LRRC4C: variants seen among roughly 807,000 people sequenced by gnomAD.
The protein encoded by LRRC4C is leucine rich repeat containing 4C, also known as leucine-rich repeat-containing protein 4C.
A neutral mutation model predicts 33.6 loss-of-function variants in LRRC4C; 5 were observed. The observed-to-expected ratio is 0.15, with a 90% CI of 0.08 to 0.31. LRRC4C has a LOEUF of 0.31. Among genes scored for constraint, LRRC4C ranks in the 10% least tolerant of loss-of-function variants. The pLI, the probability that LRRC4C is intolerant of heterozygous loss-of-function variation, is 1.00. For synonymous variants in LRRC4C, 329 were observed against 302.0 expected (o/e 1.09, Z -0.93); for missense variants, 560 against 796.7 (o/e 0.70, Z 3.58).
At chr11:40,840,746 A>C (rs1952875993) in intron 2 of LRRC4C, among the ~76,000 whole-genome samples, 1 of 152,184 alleles carries the variant, frequency 6.6e-6, no homozygotes, top group African/African-American at 2.4e-5. Context: ...TTTAGAAAAG[A>C]ATTCACGTTC....
At chr11:40,848,051 C>T (rs1345028397) in intron 2 of LRRC4C, among the ~76,000 whole-genome samples, 3 of 146,968 alleles carry the variant, frequency 2.0e-5, no homozygotes, top group Admixed American at 7.0e-5. Flanking sequence ...CTCTTTTCTT[C>T]GTTATTATTC....
At chr11:41,329,388 T>G (rs1951222542) in intron 1 of LRRC4C, among the ~76,000 whole-genome samples, 1 of 152,220 alleles carries the variant, frequency 6.6e-6, no homozygotes, top group Non-Finnish European at 1.5e-5. Flanking sequence ...ATTTAATATG[T>G]TGAGGACTGT....
intron 3 of LRRC4C, among the ~76,000 whole-genome samples, chr11:40,488,917 C>T (rs1227892610): frequency 6.6e-6 from 1 of 151,964 alleles, no homozygotes; most frequent in Non-Finnish European, 1.5e-5. Flanking sequence ...TGTGGTTTCT[C>T]CTTTATTTTT....
In LRRC4C at chr11:40,762,712, A is replaced by T. The variant is rs190084294; in HGVS notation, c.-406-114434T>A. On this transcript the variant is annotated intron_variant, in intron 2 of 6. Coordinates refer to ENST00000528697, the MANE Select transcript of LRRC4C (RefSeq NM_001258419.2). ...GAGATATGAGAAGTTGACTTGCTTG[A>T]GTAGTCTGGCTACCCATTCCCTATC... Among the ~76,000 whole-genome samples the T allele has an allele frequency of 2.0e-5, 3 of 152,252 alleles. No homozygotes were observed. The East Asian group carries it at 5.8e-4, about 29-fold the overall frequency.
intron 1 of LRRC4C, among the ~76,000 whole-genome samples, chr11:41,423,192 C>G (rs922492850): frequency 3.4e-4 from 51 of 151,864 alleles, no homozygotes; most frequent in African/African-American, 1.2e-3. Flanking sequence ...TGGTGGAGGG[C>G]CAGAAATCTG....
chr11:40,976,280 T>G (rs889715619), intron 1 of LRRC4C, among the ~76,000 whole-genome samples: 3 of 152,204 alleles, frequency 2.0e-5, no homozygotes, highest in African/African-American at 7.2e-5. Context: ...TTTGCTGATT[T>G]CCCTTTGCCT....
At chr11:40,734,932 C>A (rs1017357810) in intron 2 of LRRC4C, among the ~76,000 whole-genome samples, 7 of 151,922 alleles carry the variant, frequency 4.6e-5, no homozygotes, top group Non-Finnish European at 1.0e-4. Context: ...AAGAACCACC[C>A]AATCAGCTAG....
chr11:41,455,321 C>T (rs561375913), intron 1 of LRRC4C, among the ~76,000 whole-genome samples: 16 of 152,108 alleles, frequency 1.1e-4, no homozygotes, highest in African/African-American at 3.6e-4. Flanking sequence ...CTGGGGAAGT[C>T]AAGTTTTTCT....
At chr11:40,925,821 T>C (rs186416567) in intron 2 of LRRC4C, among the ~76,000 whole-genome samples, 9 of 152,308 alleles carry the variant, frequency 5.9e-5, no homozygotes, top group African/African-American at 2.2e-4. Context: ...CCAGGCATTA[T>C]TTTAGGCACT....
At chr11:40,873,004 C>T (rs1954722408) in intron 2 of LRRC4C, among the ~76,000 whole-genome samples, 2 of 151,992 alleles carry the variant, frequency 1.3e-5, no homozygotes, top group Admixed American at 1.3e-4. Context: ...GATAATGATG[C>T]AGATGAGGGG....
intron 3 of LRRC4C, chr11:40,445,435 CCAGTGA>C (rs1274366839): frequency 6.4e-6 from 1 of 155,116 alleles, no homozygotes; most frequent in Non-Finnish European, 1.5e-5. Flanking sequence ...TTTTTACTCC[CCAGTGA>C]GAGTTCTCTG....
At chr11:41,160,019 A>G (rs987467298) in intron 1 of LRRC4C, among the ~76,000 whole-genome samples, 4 of 152,260 alleles carry the variant, frequency 2.6e-5, no homozygotes, top group East Asian at 1.9e-4. Flanking sequence ...ACAAAAGGGC[A>G]CACACACATA....
At chr11:40,641,261 C>G (rs796413661) in intron 3 of LRRC4C, among the ~76,000 whole-genome samples, 9 of 151,980 alleles carry the variant, frequency 5.9e-5, no homozygotes, top group Non-Finnish European at 1.0e-4. Flanking sequence ...TATAGGGAAC[C>G]TATCAAAGTG....
chr11:40,528,804 C>T (rs1264711397), intron 3 of LRRC4C, among the ~76,000 whole-genome samples: 1 of 152,070 alleles, frequency 6.6e-6, no homozygotes, highest in Admixed American at 6.6e-5. Context: ...ATTATTCAAC[C>T]TTTCTAAGGA....
At chr11:40,505,781 C>T (rs1000559918) in intron 3 of LRRC4C, among the ~76,000 whole-genome samples, 11 of 152,080 alleles carry the variant, frequency 7.2e-5, no homozygotes, top group African/African-American at 2.4e-4. Flanking sequence ...AATGGGAGCT[C>T]GAAGCCCAAT....
intron 3 of LRRC4C, among the ~76,000 whole-genome samples, chr11:40,440,147 G>T (rs11035841): frequency 6.6e-6 from 1 of 151,908 alleles, no homozygotes; most frequent in Admixed American, 6.5e-5. Flanking sequence ...ATGAGGGCAG[G>T]GAGCTTGTCT....
chr11:40,347,711 C>T (rs770054765), intron 3 of LRRC4C, among the ~76,000 whole-genome samples: 17 of 152,156 alleles, frequency 1.1e-4, no homozygotes, highest in Non-Finnish European at 2.4e-4. Context: ...GGGGTTCGAG[C>T]GATTCTCCTG....
At chr11:40,456,051 T>G (rs1010469884) in intron 3 of LRRC4C, among the ~76,000 whole-genome samples, 1 of 152,244 alleles carries the variant, frequency 6.6e-6, no homozygotes, top group East Asian at 1.9e-4. Flanking sequence ...TTTATTCTAC[T>G]GGCATATGAC....
chr11:40,581,530 C>T (rs953504056), intron 3 of LRRC4C, among the ~76,000 whole-genome samples: 5 of 152,128 alleles, frequency 3.3e-5, no homozygotes, highest in Middle Eastern at 3.4e-3. Flanking sequence ...TTTGCTAGTT[C>T]CATCTCATTT....
Sources: allele counts gnomAD v4.1 joint callset (sites outside exome capture counted in the v4.1 genomes callset), GRCh38; gene constraint gnomAD v4.1.1; transcripts MANE v1.5; gene names NCBI Gene and HGNC (gene_info 2026-07-23, HGNC 2026-07-21).